Variants in WDFY3 observed in about 807,000 individuals in gnomAD.
The protein encoded by WDFY3 is WD repeat and FYVE domain containing 3, also known as WD repeat and FYVE domain-containing protein 3.
Under a neutral mutation model 409.6 loss-of-function variants are expected in WDFY3, and 66 were observed. That is an observed-to-expected ratio of 0.16 (90% CI 0.13 to 0.20). The LOEUF is 0.20. WDFY3 is among the 10% of genes least tolerant of loss of function. The pLI is 1.00. For missense variants in WDFY3, 3,031 were observed against 4,298.1 expected (o/e 0.71, Z 8.24); for synonymous variants, 1,521 against 1,537.1 (o/e 0.99, Z 0.25).
At chr4:84,746,209 T>C (rs1393172072) in intron 36 of WDFY3, among the ~76,000 whole-genome samples, 3 of 150,546 alleles carry the variant, frequency 2.0e-5, no homozygotes, top group Non-Finnish European at 4.4e-5. Flanking sequence ...CATAGCTACT[T>C]GGGAGGCTGA....
At chr4:84,782,379 T>TA (rs1490718708) in intron 25 of WDFY3, among the ~76,000 whole-genome samples, 2 of 152,050 alleles carry the variant, frequency 1.3e-5, no homozygotes, top group Admixed American at 1.3e-4. Flanking sequence ...AATTTTTTTT[T>TA]TTTATTTTAC....
intron 53 of WDFY3, among the ~76,000 whole-genome samples, 166 bp downstream of exon 53, chr4:84,708,743 G>C (rs937031870): frequency 6.6e-6 from 1 of 152,026 alleles, no homozygotes; most frequent in Non-Finnish European, 1.5e-5. Context: ...GTTTCGCCCT[G>C]TTTCTCTGGC....
intron 2 of WDFY3, among the ~76,000 whole-genome samples, chr4:84,929,479 C>A (rs531949421): frequency 4.6e-5 from 7 of 151,104 alleles, no homozygotes; most frequent in Non-Finnish European, 7.4e-5. Context: ...GCCCCCCCCC[C>A]CAAATTCATA....
chr4:84,878,036 C>T (rs973633623), intron 3 of WDFY3, among the ~76,000 whole-genome samples: 5 of 152,190 alleles, frequency 3.3e-5, no homozygotes, highest in African/African-American at 1.2e-4. Context: ...ACATAACTAA[C>T]AAAAATGACC....
chr4:84,872,868 AAGC>A (rs980847423), intron 3 of WDFY3, among the ~76,000 whole-genome samples: 5 of 152,238 alleles, frequency 3.3e-5, no homozygotes, highest in African/African-American at 9.6e-5. Flanking sequence ...TTTTTAAAAA[AAGC>A]AGGATGCAGT....
intron 12 of WDFY3, among the ~76,000 whole-genome samples, chr4:84,819,075 C>T (rs935895007): frequency 6.6e-6 from 1 of 152,040 alleles, no homozygotes; most frequent in Non-Finnish European, 1.5e-5. Flanking sequence ...ATTCATCATA[C>T]TCATTGTTTC....
intron 32 of WDFY3, among the ~76,000 whole-genome samples, chr4:84,759,872 G>C (rs1421152204): frequency 8.0e-4 from 120 of 149,718 alleles, no homozygotes; most frequent in African/African-American, 2.8e-3. Context: ...GGGCATCCCT[G>C]TCTTGTGCCA....
chr4:84,832,451 T>C (rs1010508227), intron 7 of WDFY3, among the ~76,000 whole-genome samples: 2 of 152,252 alleles, frequency 1.3e-5, no homozygotes, highest in African/African-American at 2.4e-5. Context: ...AAACAATGTA[T>C]TGTATATTTT....
At chr4:84,868,924 G>A (rs925455473) in intron 3 of WDFY3, among the ~76,000 whole-genome samples, 1 of 152,168 alleles carries the variant, frequency 6.6e-6, no homozygotes, top group Non-Finnish European at 1.5e-5. Context: ...AGCATTCTCC[G>A]AGTTTTTATA....
intron 1 of WDFY3, among the ~76,000 whole-genome samples, chr4:84,944,369 A>C (rs1772536020): frequency 6.6e-6 from 1 of 152,028 alleles, no homozygotes; most frequent in African/African-American, 2.4e-5. Flanking sequence ...AATTAAAATA[A>C]AAAATACAAA....
chr4:84,768,694 C>A (rs898890700), intron 30 of WDFY3, among the ~76,000 whole-genome samples: 1 of 152,204 alleles, frequency 6.6e-6, no homozygotes, highest in East Asian at 1.9e-4. Flanking sequence ...TGGAGATGCA[C>A]AAAAAAATTA....
intron 29 of WDFY3, among the ~76,000 whole-genome samples, chr4:84,773,518 G>A (rs1363637835): frequency 2.6e-5 from 4 of 152,010 alleles, no homozygotes; most frequent in African/African-American, 9.7e-5. Flanking sequence ...TATCACATTC[G>A]AATTACGTGA....
chr4:84,798,217 A>T (rs548967195), intron 17 of WDFY3, 109 bp from the exon 18 acceptor site: 31 of 888,272 alleles, frequency 3.5e-5, no homozygotes, highest in Middle Eastern at 6.4e-4. Context: ...TAATTACAAT[A>T]AAAAAATGCA....
chr4:84,956,459 T>C (rs978137106), intron 1 of WDFY3, among the ~76,000 whole-genome samples: 1 of 152,228 alleles, frequency 6.6e-6, no homozygotes, highest in Non-Finnish European at 1.5e-5. Context: ...AACAAGTGTC[T>C]TTTAATTTCT....
At chr4:84,864,365 CA>C (rs35016773) in intron 3 of WDFY3, among the ~76,000 whole-genome samples, 393 of 32,566 alleles carry the variant, frequency 0.012, no homozygotes, top group Non-Finnish European at 0.017. Flanking sequence ...GACTCCATCT[CA>C]AAAAAAAAAA....
intron 66 of WDFY3, among the ~76,000 whole-genome samples, chr4:84,677,843 G>T (rs1201506936): frequency 2.0e-5 from 3 of 151,026 alleles, no homozygotes; most frequent in East Asian, 3.9e-4. Context: ...CACGCCTATA[G>T]TCCCAGTTAT....
At chr4:84,687,366 C>T (rs1011291797) in intron 62 of WDFY3, among the ~76,000 whole-genome samples, 1 of 152,134 alleles carries the variant, frequency 6.6e-6, no homozygotes, top group Non-Finnish European at 1.5e-5. Flanking sequence ...TGGTCTGGAA[C>T]TCCTGACCTC....
At chr4:84,908,927 C>T (rs1174324046) in intron 2 of WDFY3, among the ~76,000 whole-genome samples, 1 of 152,080 alleles carries the variant, frequency 6.6e-6, no homozygotes, top group Non-Finnish European at 1.5e-5. Context: ...ATTCCTAGCA[C>T]TAAGCCCACT....
chr4:84,874,619 A>G (rs968887553), intron 3 of WDFY3, among the ~76,000 whole-genome samples: 3 of 152,172 alleles, frequency 2.0e-5, no homozygotes, highest in East Asian at 3.9e-4. Flanking sequence ...TATTATGTAT[A>G]TTGTTTTCTC....
Sources: gnomAD v4.1 joint callset for allele counts (sites outside exome capture counted in the v4.1 genomes callset) on GRCh38, gnomAD v4.1.1 for gene constraint, MANE v1.5 for transcripts, NCBI Gene and HGNC (gene_info 2026-07-23, HGNC 2026-07-21) for gene names.